ZFAT: variants seen among roughly 807,000 people sequenced by gnomAD.
The protein encoded by ZFAT is zinc finger protein ZFAT.
A neutral mutation model predicts 117.7 loss-of-function variants in ZFAT; 64 were observed. The ratio of observed to expected loss-of-function variants is 0.54; its 90% CI spans 0.44 to 0.67. ZFAT has a LOEUF of 0.67. ZFAT is among the 30% of genes least tolerant of loss of function. ZFAT has a pLI of 0.00. For missense variants in ZFAT, 1,433 were observed against 1,584.5 expected, an observed-to-expected ratio of 0.90 and a Z score of 1.62; for synonymous variants, 679 against 615.0, an observed-to-expected ratio of 1.10 and a Z score of -1.54.
chr8:134,750,427 G>A, the ZFAT span, among the ~76,000 whole-genome samples: 1 of 152,026 alleles, frequency 6.6e-6, no homozygotes, highest in Non-Finnish European at 1.5e-5. Context: ...TACAACTCTT[G>A]TGCCTTATAT....
chr8:134,537,815 G>A (rs544538869), intron 11 of ZFAT, among the ~76,000 whole-genome samples: 3 of 152,216 alleles, frequency 2.0e-5, no homozygotes, highest in African/African-American at 7.2e-5. Context: ...GAACATTTAA[G>A]AGAGGTGAAG....
chr8:134,535,415 C>T (rs1821755190), intron 11 of ZFAT, among the ~76,000 whole-genome samples: 1 of 151,936 alleles, frequency 6.6e-6, no homozygotes, highest in Non-Finnish European at 1.5e-5. Flanking sequence ...TTCTTTCTTA[C>T]TATTCAACTG....
At chr8:134,588,451 A>C in intron 8 of ZFAT, 56 bp from the exon 9 acceptor site, 2 of 1,509,294 alleles carry the variant, frequency 1.3e-6, no homozygotes, top group Admixed American at 2.3e-5. Context: ...GAAGTTAGAC[A>C]TAAATAAACC....
intron 1 of ZFAT, among the ~76,000 whole-genome samples, chr8:134,679,616 T>C (rs1336080834): frequency 5.9e-5 from 9 of 152,228 alleles, no homozygotes; most frequent in African/African-American, 1.9e-4. Flanking sequence ...TAAAACATTC[T>C]ACTATAAAGA....
At position 134,510,041 on chromosome 8, in the gene ZFAT, A is replaced by G. The variant is rs566005468; in HGVS notation, c.3362-292T>C. The stretch of plus-strand genomic sequence containing the variant: ...TGGGCCACTGAGTCAGTTACACCAC[A>G]AAGCCAGAACTTGAACCCACGTGCT... On this transcript the variant is annotated intron_variant, in intron 14 of 15. Transcript: ENST00000377838. 50 of 477,414 alleles carry G rather than the reference A, an allele frequency of 1.0e-4. 1 individual carries two copies. The Middle Eastern group carries it at 2.8e-3, about 27-fold the overall frequency. The allele number at this position is 477,414 out of a possible 1,614,324, so 29.6% of individuals were successfully genotyped here. A position where few individuals can be genotyped will look rare whatever the true frequency, so the allele number is the denominator to read the frequency against.
chr8:134,712,815 C>CCCG, intron 1 of ZFAT, 30 bp downstream of exon 1: 5 of 1,128,108 alleles, frequency 4.4e-6, no homozygotes, highest in Non-Finnish European at 4.8e-6. Context: ...ACCCCCACCC[C>CCCG]GTCTCACCCC....
At chr8:134,584,142 C>T in intron 9 of ZFAT, 137 bp from the exon 10 acceptor site, 2 of 996,440 alleles carry the variant, frequency 2.0e-6, no homozygotes, top group Non-Finnish European at 2.8e-6. Flanking sequence ...TTGAACACAG[C>T]AGTATACTTG....
intron 11 of ZFAT, among the ~76,000 whole-genome samples, chr8:134,544,408 A>T (rs1192412669): frequency 6.6e-6 from 1 of 151,536 alleles, no homozygotes; most frequent in East Asian, 1.9e-4. Context: ...CCCTCCTAAC[A>T]ACAACAACAA....
At chr8:134,827,224 T>C in the ZFAT span, among the ~76,000 whole-genome samples, 144 of 152,196 alleles carry the variant, frequency 9.5e-4, no homozygotes, top group African/African-American at 3.2e-3. Flanking sequence ...GCTAACTGTT[T>C]TGTTATTTTT....
At chr8:134,818,357 A>C in the ZFAT span, among the ~76,000 whole-genome samples, 104 of 152,350 alleles carry the variant, frequency 6.8e-4, no homozygotes, top group African/African-American at 2.4e-3. Flanking sequence ...GATGGCAAAT[A>C]AACATATGCA....
intron 1 of ZFAT, among the ~76,000 whole-genome samples, chr8:134,664,547 G>A (rs965497680): frequency 6.6e-6 from 1 of 152,224 alleles, no homozygotes; most frequent in Non-Finnish European, 1.5e-5. Flanking sequence ...CAGAACCTAT[G>A]AGTGCCTCCC....
At chr8:134,666,255 C>T (rs1467805981) in intron 1 of ZFAT, among the ~76,000 whole-genome samples, 1 of 152,188 alleles carries the variant, frequency 6.6e-6, no homozygotes, top group Non-Finnish European at 1.5e-5. Context: ...GAGTGGGGAA[C>T]CTAAACTTCT....
intron 15 of ZFAT, among the ~76,000 whole-genome samples, chr8:134,490,502 G>C (rs1233575243): frequency 1.3e-5 from 2 of 152,198 alleles, no homozygotes; most frequent in Non-Finnish European, 2.9e-5. Flanking sequence ...AGAAGTTGCA[G>C]GGCCCAAAAG....
intron 1 of ZFAT, among the ~76,000 whole-genome samples, chr8:134,709,720 G>GC (rs1457835172): frequency 2.0e-5 from 3 of 152,186 alleles, no homozygotes; most frequent in Admixed American, 2.0e-4. Context: ...CTTGCTCTAG[G>GC]CAAGAGCTTA....
chr8:134,663,355 T>C (rs1379654194), intron 1 of ZFAT, among the ~76,000 whole-genome samples: 1 of 152,252 alleles, frequency 6.6e-6, no homozygotes, highest in African/African-American at 2.4e-5. Flanking sequence ...TTGGTATGAA[T>C]ACAATTTTGT....
chr8:134,827,762 T>C, the ZFAT span, among the ~76,000 whole-genome samples: 4 of 143,292 alleles, frequency 2.8e-5, no homozygotes, highest in African/African-American at 1.0e-4. Context: ...AGTGAGACTC[T>C]GTCTAAAAAA....
In ZFAT at chr8:134,599,483, G is replaced by A. The variant is rs150888968; in HGVS notation, c.2475+953C>T. ...AAGGCTATTTCATACAGGTCTCAGGGAAGACAAGTGACTTGCCCAAGGCCA... is the reference window on the plus strand; with the variant it reads ...AAGGCTATTTCATACAGGTCTCAGGAAAGACAAGTGACTTGCCCAAGGCCA... On this transcript the variant is annotated intron_variant, in intron 7 of 15. Coordinates refer to ENST00000377838, the MANE Select transcript of ZFAT (RefSeq NM_020863.4). 35 of 277,162 alleles carry A rather than the reference G, an allele frequency of 1.3e-4. No homozygotes were observed. In the East Asian group the frequency reaches 4.0e-3, roughly 32 times the overall value. The allele number at this position is 277,162 out of a possible 1,614,324, so 17.2% of individuals were successfully genotyped here. A position where few individuals can be genotyped will look rare whatever the true frequency, so the allele number is the denominator to read the frequency against.
At chr8:134,779,981 T>G in the ZFAT span, among the ~76,000 whole-genome samples, 5 of 152,176 alleles carry the variant, frequency 3.3e-5, no homozygotes, top group Non-Finnish European at 5.9e-5. Context: ...CTACCTCCAC[T>G]GTTTCTCCAA....
At chr8:134,725,953 A>T in the ZFAT span, among the ~76,000 whole-genome samples, 5 of 152,232 alleles carry the variant, frequency 3.3e-5, no homozygotes, top group African/African-American at 1.2e-4. Flanking sequence ...CAATGAATTA[A>T]TTAGTGGACT....
Sources: allele counts gnomAD v4.1 joint callset (sites outside exome capture counted in the v4.1 genomes callset), GRCh38; gene constraint gnomAD v4.1.1; transcripts MANE v1.5; gene names NCBI Gene and HGNC (gene_info 2026-07-23, HGNC 2026-07-21).